Variants in AGBL4 observed in about 807,000 individuals in gnomAD.
AGBL4 encodes the protein cytosolic carboxypeptidase 6.
A neutral mutation model predicts 66.4 loss-of-function variants in AGBL4; 58 were observed. The ratio of observed to expected loss-of-function variants is 0.87; its 90% CI spans 0.71 to 1.09. The LOEUF (loss-of-function observed/expected upper bound fraction) is 1.09, where lower values mean the gene tolerates loss of function less well. Ranked by LOEUF, AGBL4 falls within the 50% of genes least tolerant of loss-of-function variation. The probability of loss-of-function intolerance (pLI) is 0.00; values close to 1 mark genes in which losing one functional copy is unlikely to be tolerated. For synonymous variants in AGBL4, 234 were observed against 222.9 expected (o/e 1.05, Z -0.44); for missense variants, 579 against 631.0 (o/e 0.92, Z 0.88).
At chr1:49,125,727 A>G (rs1645751584) in intron 4 of AGBL4, among the ~76,000 whole-genome samples, 1 of 152,192 alleles carries the variant, frequency 6.6e-6, no homozygotes, top group Non-Finnish European at 1.5e-5. Flanking sequence ...TATTATCTCC[A>G]TTCTCAAATG....
At chr1:48,548,223 G>A (rs1339828815) in intron 11 of AGBL4, among the ~76,000 whole-genome samples, 3 of 146,172 alleles carry the variant, frequency 2.1e-5, no homozygotes, top group African/African-American at 7.6e-5. Context: ...AGTAGGGTAA[G>A]GGGAGTGCTG....
At chr1:49,432,190 G>C (rs1444358845) in intron 3 of AGBL4, among the ~76,000 whole-genome samples, 1 of 152,180 alleles carries the variant, frequency 6.6e-6, no homozygotes, top group Non-Finnish European at 1.5e-5. Flanking sequence ...GGCTCCAGAG[G>C]AAGGTCTTCA....
At chr1:49,182,923 T>G (rs1243286729) in intron 4 of AGBL4, among the ~76,000 whole-genome samples, 1 of 152,214 alleles carries the variant, frequency 6.6e-6, no homozygotes, top group Non-Finnish European at 1.5e-5. Context: ...TTTCACACTT[T>G]GGGGTTTGAA....
intron 3 of AGBL4, among the ~76,000 whole-genome samples, chr1:49,429,700 A>T (rs1645742167): frequency 6.6e-6 from 1 of 152,072 alleles, no homozygotes; most frequent in Non-Finnish European, 1.5e-5. Flanking sequence ...AATCCTCACT[A>T]GCTGCCCTTG....
At chr1:48,808,845 G>C (rs1207455966) in intron 6 of AGBL4, among the ~76,000 whole-genome samples, 1 of 152,214 alleles carries the variant, frequency 6.6e-6, no homozygotes, top group African/African-American at 2.4e-5. Context: ...CCATAAAGAT[G>C]AGGTGAGGAC....
chr1:49,716,243 T>C (rs999876261), intron 2 of AGBL4, among the ~76,000 whole-genome samples: 6 of 152,254 alleles, frequency 3.9e-5, no homozygotes, highest in Admixed American at 3.9e-4. Context: ...GTCAGGTTTG[T>C]CAAAGATCAG....
chr1:48,977,720 G>A (rs911455670), intron 5 of AGBL4, among the ~76,000 whole-genome samples: 7 of 152,250 alleles, frequency 4.6e-5, no homozygotes, highest in Non-Finnish European at 8.8e-5. Context: ...TCATGTTGCC[G>A]TATTGGCTGG....
At chr1:49,465,939 G>C (rs1018920921) in intron 3 of AGBL4, among the ~76,000 whole-genome samples, 23 of 151,852 alleles carry the variant, frequency 1.5e-4, no homozygotes, top group Admixed American at 1.2e-3. Flanking sequence ...AAATGGTTTA[G>C]ATGAAAGTAA....
At position 49,051,750 on chromosome 1, in the gene AGBL4, A is replaced by G. The variant is rs772766827; in HGVS notation, c.378-5950T>C. On this transcript the variant is annotated intron_variant, in intron 4 of 13. Coordinates refer to ENST00000371839, the MANE Select transcript of AGBL4 (RefSeq NM_032785.4). ...TCTAATTCCAATCCTATCTTCCACCAAATAATTATAATAGTACTCCTGTCA... is the reference window on the plus strand; with the variant it reads ...TCTAATTCCAATCCTATCTTCCACCGAATAATTATAATAGTACTCCTGTCA... 9.2e-4 allele frequency among the ~76,000 whole-genome samples: 140 copies of G among 152,076 alleles called. 2 individuals carry two copies. The highest frequency in any genetic ancestry group is 3.9e-4 in the Admixed American group (6 of 15,246).
At chr1:49,421,706 T>C (rs933778192) in intron 3 of AGBL4, among the ~76,000 whole-genome samples, 2 of 152,206 alleles carry the variant, frequency 1.3e-5, no homozygotes, top group Admixed American at 6.5e-5. Flanking sequence ...CTTTTAATTC[T>C]ACCTGTATTA....
chr1:49,777,377 C>T (rs762838209), intron 2 of AGBL4, among the ~76,000 whole-genome samples: 1 of 152,042 alleles, frequency 6.6e-6, no homozygotes, highest in Non-Finnish European at 1.5e-5. Flanking sequence ...GTTTTGTAAT[C>T]ATGTATAATT....
chr1:48,845,410 G>C (rs1182888395), intron 6 of AGBL4, among the ~76,000 whole-genome samples: 1 of 152,212 alleles, frequency 6.6e-6, no homozygotes, highest in Non-Finnish European at 1.5e-5. Flanking sequence ...ACAGAATGCG[G>C]TATGAATGCA....
At chr1:49,786,835 C>G (rs1644466321) in intron 2 of AGBL4, among the ~76,000 whole-genome samples, 1 of 152,210 alleles carries the variant, frequency 6.6e-6, no homozygotes, top group Non-Finnish European at 1.5e-5. Context: ...GAAATTTCCT[C>G]AGCTACATCA....
At chr1:49,654,411 G>T (rs1016778537) in intron 3 of AGBL4, among the ~76,000 whole-genome samples, 1 of 152,150 alleles carries the variant, frequency 6.6e-6, no homozygotes, top group African/African-American at 2.4e-5. Context: ...TTGATTTGGG[G>T]TGGAGAGTTC....
Position 49,327,985 on chromosome 1 carries a change from G to A in AGBL4, c.283-82121C>T, listed in dbSNP as rs151051970. Among the ~76,000 whole-genome samples, 914 of 152,190 alleles carry A rather than the reference G, an allele frequency of 6.0e-3. 8 individuals are homozygous for A. The highest frequency in any genetic ancestry group is 0.014 in the Middle Eastern group (4 of 294). On this transcript the variant is annotated intron_variant, in intron 3 of 13. Transcript: ENST00000371839. ...AGGTGAGAAAAAAAGAGACATTTCC[G>A]TTTTGAAAAAGGAGACAAATATTCC...
intron 5 of AGBL4, among the ~76,000 whole-genome samples, chr1:48,905,767 C>T (rs1273243985): frequency 1.3e-5 from 2 of 152,138 alleles, no homozygotes; most frequent in Non-Finnish European, 2.9e-5. Flanking sequence ...TTGAGATCCA[C>T]CATTCTAAGT....
At chr1:49,881,528 C>T (rs950061523) in intron 1 of AGBL4, among the ~76,000 whole-genome samples, 6 of 149,722 alleles carry the variant, frequency 4.0e-5, no homozygotes, top group African/African-American at 1.5e-4. Context: ...TCCTATTTCT[C>T]CACATCCTCT....
At chr1:49,496,936 G>A (rs1399664252) in intron 3 of AGBL4, among the ~76,000 whole-genome samples, 1 of 151,564 alleles carries the variant, frequency 6.6e-6, no homozygotes, top group Non-Finnish European at 1.5e-5. Context: ...AATTTTTTGA[G>A]AAACATTCTT....
intron 4 of AGBL4, among the ~76,000 whole-genome samples, chr1:49,226,398 T>G (rs1294390469): frequency 1.3e-5 from 2 of 152,224 alleles, no homozygotes; most frequent in African/African-American, 4.8e-5. Flanking sequence ...TGATCTTCTC[T>G]GTAATTATGC....
Sources: gnomAD v4.1 joint callset for allele counts (sites outside exome capture counted in the v4.1 genomes callset) on GRCh38, gnomAD v4.1.1 for gene constraint, MANE v1.5 for transcripts, NCBI Gene and HGNC (gene_info 2026-07-23, HGNC 2026-07-21) for gene names.